The following NFATC3 variants were observed in gnomAD, a reference collection of about 807,000 sequenced individuals.
NFATC3 encodes the protein nuclear factor of activated T-cells, cytoplasmic 3.
In NFATC3, 46 loss-of-function variants were observed where a neutral mutation model predicts 98.6. The ratio of observed to expected loss-of-function variants is 0.47; its 90% CI spans 0.37 to 0.60. The LOEUF is 0.60. Among genes scored for constraint, NFATC3 ranks in the 20% least tolerant of loss-of-function variants. The probability of loss-of-function intolerance (pLI) is 0.00; values close to 1 mark genes in which losing one functional copy is unlikely to be tolerated. For synonymous variants in NFATC3, 512 were observed against 472.2 expected (o/e 1.08, Z -1.09); for missense variants, 1,256 against 1,295.5 (o/e 0.97, Z 0.47).
intron 3 of NFATC3, among the ~76,000 whole-genome samples, chr16:68,155,815 TACAC>T (rs201494976): frequency 6.6e-6 from 1 of 151,488 alleles, no homozygotes; most frequent in Admixed American, 6.6e-5. Flanking sequence ...TAAACAACCA[TACAC>T]ACACACACAA....
intron 4 of NFATC3, among the ~76,000 whole-genome samples, chr16:68,164,996 G>A (rs1254895711): frequency 6.6e-6 from 1 of 151,920 alleles, no homozygotes; most frequent in Non-Finnish European, 1.5e-5. Flanking sequence ...TTGCTTTTTT[G>A]TTTTTTGCAT....
intron 9 of NFATC3, among the ~76,000 whole-genome samples, chr16:68,202,751 G>A (rs2040979873): frequency 6.6e-6 from 1 of 152,122 alleles, no homozygotes; most frequent in African/African-American, 2.4e-5. Context: ...GGCGGAGGTT[G>A]CAGTGAGCCG....
chr16:68,187,064 A>G (rs1476201208), intron 8 of NFATC3, among the ~76,000 whole-genome samples: 5 of 152,170 alleles, frequency 3.3e-5, no homozygotes, highest in African/African-American at 1.2e-4. Context: ...CAGAGTGGGA[A>G]GGGGTGTGTG....
intron 5 of NFATC3, among the ~76,000 whole-genome samples, chr16:68,168,068 A>G (rs566602135): frequency 6.6e-6 from 1 of 152,032 alleles, no homozygotes; most frequent in African/African-American, 2.4e-5. Flanking sequence ...TCCTGACCTC[A>G]GGTGATCCAC....
intron 6 of NFATC3, 34 bp downstream of exon 6, chr16:68,174,548 A>G (rs762551026): frequency 6.8e-7 from 1 of 1,474,442 alleles, no homozygotes; most frequent in Non-Finnish European, 9.0e-7. Flanking sequence ...ACTTCAAACT[A>G]AGGGGCAAAG....
At chr16:68,183,127 C>G (rs1488412979) in intron 7 of NFATC3, 113 bp from the exon 8 acceptor site, 2 of 1,054,130 alleles carry the variant, frequency 1.9e-6, no homozygotes, top group Non-Finnish European at 2.7e-6. Context: ...AGCTGATGTG[C>G]ATAATTATCT....
chr16:68,213,153 C>T (rs367938897), intron 9 of NFATC3, among the ~76,000 whole-genome samples: 6 of 151,066 alleles, frequency 4.0e-5, no homozygotes, highest in South Asian at 4.2e-4. Context: ...CAGTGGCTCA[C>T]GCCTATAATC....
At chr16:68,174,597 T>A in intron 6 of NFATC3, 83 bp downstream of exon 6, 1 of 1,190,070 alleles carries the variant, frequency 8.4e-7, no homozygotes, top group Non-Finnish European at 1.1e-6. Flanking sequence ...TAACAAAAAT[T>A]ACAAAGTAGT....
intron 9 of NFATC3, among the ~76,000 whole-genome samples, chr16:68,209,086 GCTTTTGTT>G (rs2041267905): frequency 6.6e-6 from 1 of 152,162 alleles, no homozygotes; most frequent in African/African-American, 2.4e-5. Context: ...TAGGGGGAAA[GCTTTTGTT>G]CTTTGTTGAT....
chr16:68,097,101 C>G (rs1420877461), intron 1 of NFATC3, among the ~76,000 whole-genome samples: 1 of 152,062 alleles, frequency 6.6e-6, no homozygotes, highest in African/African-American at 2.4e-5. Flanking sequence ...ACCTGGTATC[C>G]ATTGAGTAAG....
At chr16:68,120,877 A>G (rs1055676274) in intron 1 of NFATC3, among the ~76,000 whole-genome samples, 3 of 152,210 alleles carry the variant, frequency 2.0e-5, no homozygotes, top group Admixed American at 2.0e-4. Flanking sequence ...AAAATCTGGA[A>G]TGTTCCAATA....
rs2042059022 is a variant in NFATC3, at chr16:68,227,349, C to T, written c.*878C>T. On this transcript the variant is annotated 3_prime_UTR_variant, in exon 10 of 10. Coordinates refer to ENST00000346183, the MANE Select transcript of NFATC3 (RefSeq NM_173165.3). ...GCGCTTCCTGTTTGTGTCATCTGGTCGTAGAACCTTTTCCAAACAGAAGCA... is the reference window on the plus strand; with the variant it reads ...GCGCTTCCTGTTTGTGTCATCTGGTTGTAGAACCTTTTCCAAACAGAAGCA... The T allele has an allele frequency of 2.6e-5, 4 of 152,120 alleles. No individual in the cohort carries two copies. Among genetic ancestry groups the T allele is most frequent in the East Asian group, 1.9e-4 (1 of 5,190 alleles). The allele number at this position is 152,120 out of a possible 1,614,324, so 9.4% of individuals were successfully genotyped here.
intron 6 of NFATC3, among the ~76,000 whole-genome samples, chr16:68,177,100 T>C (rs928374564): frequency 6.6e-6 from 1 of 151,172 alleles, no homozygotes; most frequent in Non-Finnish European, 1.5e-5. Flanking sequence ...CTGCATGCAA[T>C]GCCGTGGTGT....
rs2042066366 is a variant in NFATC3, at chr16:68,227,832, CT to C, written c.*1362del. 1 of 151,996 alleles carries C rather than the reference CT, an allele frequency of 6.6e-6. No individual in the cohort carries two copies. Among genetic ancestry groups the C allele is most frequent in the Middle Eastern group, 3.2e-3 (1 of 316 alleles). The allele number at this position is 151,996 out of a possible 1,614,324, so 9.4% of individuals were successfully genotyped here. On this transcript the variant is annotated 3_prime_UTR_variant, in exon 10 of 10. Coordinates refer to ENST00000346183, the MANE Select transcript of NFATC3 (RefSeq NM_173165.3). ...AAAAAACCTGCCCTTACCCCTCTCC[CT>C]AATGGGATTTTTTTTACCTGTTCCT...
At chr16:68,219,167 C>G (rs1284701924) in intron 9 of NFATC3, among the ~76,000 whole-genome samples, 4 of 151,670 alleles carry the variant, frequency 2.6e-5, no homozygotes, top group Non-Finnish European at 5.9e-5. Flanking sequence ...GGGCAGATCA[C>G]AAGGTCAGGA....
At chr16:68,223,091 C>T (rs1364490792) in intron 9 of NFATC3, among the ~76,000 whole-genome samples, 2 of 152,192 alleles carry the variant, frequency 1.3e-5, no homozygotes, top group Admixed American at 1.3e-4. Context: ...TATTCTTATG[C>T]AAAGCATCCT....
At position 68,123,043 on chromosome 16, in the gene NFATC3, C is replaced by T. The variant is rs1173463866; in HGVS notation, c.1160C>T (p.Ser387Leu). 6.2e-7 allele frequency: 1 copy of T among 1,613,002 alleles called. No homozygotes were observed. Among genetic ancestry groups the T allele is most frequent in the Non-Finnish European group, 8.5e-7 (1 of 1,180,022 alleles). ...LGSQYPLKKD[S>L]CGDQFLSVPS... is the part of the protein sequence containing the mutation. ...TCTCAGTATCCTTTAAAGAAAGATT[C>T]ATGTGGTGATCAGTTTCTTTCAGTT... The change falls in exon 2 of 10, where the codon TCA (serine) becomes TTA (leucine). Residue 387 changes from serine (S) to leucine (L), a missense_variant. Ser to Leu is a moderately radical substitution (Grantham distance 145). Transcript: ENST00000346183.
intron 1 of NFATC3, among the ~76,000 whole-genome samples, chr16:68,107,257 T>C (rs919738561): frequency 1.3e-5 from 2 of 152,270 alleles, no homozygotes; most frequent in African/African-American, 4.8e-5. Context: ...TTTGGGTATA[T>C]ACCCAGTAAT....
Position 68,122,787 on chromosome 16 carries a change from A to G in NFATC3, c.904A>G (p.Arg302Gly). ...SPVPSPGHSPRGSVTEDTWLN... is the reference protein window; with the variant it reads ...SPVPSPGHSPGGSVTEDTWLN... Reference sequence around the variant, plus strand: ...TGTTCCTTCACCTGGTCACTCCCCCAGGGGAAGTGTGACAGAAGATACGTG... The same window carrying G: ...TGTTCCTTCACCTGGTCACTCCCCCGGGGGAAGTGTGACAGAAGATACGTG... Residue 302 changes from arginine to glycine, a missense_variant, in exon 2 of 10, where the codon AGG (arginine) becomes GGG (glycine). Coordinates refer to ENST00000346183, the MANE Select transcript of NFATC3 (RefSeq NM_173165.3). 1.2e-6 allele frequency: 2 copies of G among 1,614,224 alleles called. No individual in the cohort carries two copies. Among genetic ancestry groups the G allele is most frequent in the Non-Finnish European group, 1.7e-6 (2 of 1,180,038 alleles).
Sources: allele counts gnomAD v4.1 joint callset (sites outside exome capture counted in the v4.1 genomes callset), GRCh38; gene constraint gnomAD v4.1.1; transcripts MANE v1.5; gene names NCBI Gene and HGNC (gene_info 2026-07-23, HGNC 2026-07-21).